TMEM223: variants seen among roughly 807,000 people sequenced by gnomAD.
TMEM223 encodes transmembrane protein 223.
Under a neutral mutation model 14.1 loss-of-function variants are expected in TMEM223, and 14 were observed. The observed-to-expected ratio is 0.99, with a 90% confidence interval of 0.66 to 1.55. TMEM223 has a LOEUF of 1.55. TMEM223 is among the 40% of genes most tolerant of loss of function. The pLI is 0.00. For synonymous variants in TMEM223, 145 were observed against 120.5 expected (o/e 1.20, Z -1.33); for missense variants, 346 against 269.9 (o/e 1.28, Z -1.97).
downstream of TMEM223, chr11:62,787,436 CG>C: frequency 6.4e-7 from 1 of 1,565,862 alleles, no homozygotes; most frequent in Non-Finnish European, 8.6e-7. Flanking sequence ...GGCGCCATGG[CG>C]CTGTCCTGGC....
Position 62,791,871 on chromosome 11 carries a change from C to T in TMEM223, c.124G>A (p.Gly42Ser), listed in dbSNP as rs1379477362. The T allele has an allele frequency of 4.4e-6, 7 of 1,593,588 alleles. No individual in the cohort carries two copies. The highest frequency in any genetic ancestry group is 6.0e-6 in the Non-Finnish European group (7 of 1,170,836). ...RDVLLFEHDR[G>S]RFFTILGLFC... ...AGCCCGAGGATGGTGAAGAAGCGGCCCCGATCATGCTCAAAGAGCAGCACA... is the reference window on the plus strand; with the variant it reads ...AGCCCGAGGATGGTGAAGAAGCGGCTCCGATCATGCTCAAAGAGCAGCACA... The change falls in exon 1 of 2, where the codon GGC becomes AGC. Residue 42 changes from glycine to serine, a missense_variant. Gly to Ser is a moderately conservative substitution (Grantham distance 56). Transcript: ENST00000307366.
chr11:62,771,524 C>G (rs936786021), downstream of TMEM223: 1 of 159,154 alleles, frequency 6.3e-6, no homozygotes, highest in East Asian at 1.9e-4. Flanking sequence ...AAGGACTCCC[C>G]ATTCCCGACG....
chr11:62,786,562 C>G (rs2084278327), downstream of TMEM223: 1 of 1,561,826 alleles, frequency 6.4e-7, no homozygotes, highest in Non-Finnish European at 8.7e-7. Flanking sequence ...GGCAGCAGAG[C>G]CCAACAGGGG....
At chr11:62,789,236 G>A (rs1370467276), downstream of TMEM223, 1 of 1,613,724 alleles carries the variant, frequency 6.2e-7, no homozygotes, top group African/African-American at 1.3e-5. Flanking sequence ...TGAGGGCCAG[G>A]GGCTGAGGTA....
chr11:62,783,681 C>T (rs1244400542), downstream of TMEM223, among the ~76,000 whole-genome samples: 2 of 151,550 alleles, frequency 1.3e-5, no homozygotes, highest in African/African-American at 2.4e-5. Flanking sequence ...ATTACAGGCA[C>T]GTGCCACCAT....
At chr11:62,784,040 G>A (rs1387138838), downstream of TMEM223, among the ~76,000 whole-genome samples, 1 of 424 alleles carries the variant, frequency 2.4e-3, no homozygotes, top group African/African-American at 8.8e-3. Context: ...CCGGGCTGGA[G>A]TGCAGTGGCG....
intron 1 of TMEM223, among the ~76,000 whole-genome samples, chr11:62,776,988 A>G (rs866673039): frequency 6.6e-6 from 1 of 152,058 alleles, no homozygotes. Flanking sequence ...TTCTACTAAA[A>G]ATACAAAAAT....
chr11:62,783,438 C>T (rs1051130828), downstream of TMEM223, among the ~76,000 whole-genome samples: 3 of 150,690 alleles, frequency 2.0e-5, no homozygotes, highest in African/African-American at 7.3e-5. Flanking sequence ...GCCGAGATTG[C>T]GCCACTACAC....
chr11:62,786,672 TG>T (rs1235568201), downstream of TMEM223: 6 of 1,611,758 alleles, frequency 3.7e-6, no homozygotes, highest in Admixed American at 1.0e-4. Context: ...AACCCAGCTT[TG>T]GGTCCGGCCT....
chr11:62,787,245 C>T (rs906913704), downstream of TMEM223: 5 of 1,568,472 alleles, frequency 3.2e-6, no homozygotes, highest in Non-Finnish European at 3.4e-6. Context: ...GTACCAGCCG[C>T]CCCGCCCGCC....
At chr11:62,783,179 C>T (rs1185088539), downstream of TMEM223, among the ~76,000 whole-genome samples, 3 of 152,114 alleles carry the variant, frequency 2.0e-5, no homozygotes, top group Non-Finnish European at 4.4e-5. Flanking sequence ...AATGATTATA[C>T]GCTTTAAAAA....
At chr11:62,778,449 C>T in intron 1 of TMEM223, 2 of 1,312,082 alleles carry the variant, frequency 1.5e-6, no homozygotes, top group Non-Finnish European at 2.2e-6. Context: ...CCATGCCTGC[C>T]TTGTGCCATG....
exon 2 of TMEM223, chr11:62,774,617 G>A: frequency 2.2e-6 from 1 of 455,136 alleles, no homozygotes; most frequent in Non-Finnish European, 4.4e-6. Context: ...TGCGTTGTTG[G>A]AGTGAGTCAT....
intron 1 of TMEM223, chr11:62,775,885 G>T (rs149856351): frequency 1.9e-6 from 3 of 1,613,930 alleles, no homozygotes; most frequent in Admixed American, 1.7e-5. Flanking sequence ...AGGTGGCGGC[G>T]CTGCTCGCAG....
Position 62,791,781 on chromosome 11 carries a change from C to G in TMEM223, c.214G>C (p.Val72Leu). 1 of 1,568,270 alleles carries G rather than the reference C, an allele frequency of 6.4e-7. No individual in the cohort carries two copies. The highest frequency in any genetic ancestry group is 1.4e-5 in the African/African-American group (1 of 73,936). The change falls in exon 1 of 2, where the codon GTT becomes CTT. Residue 72 changes from valine (V) to leucine (L), a missense_variant. Transcript: ENST00000307366. ...TCCGCATCCAGAGGCTGCACCGGAA[C>G]CGGGGGCCGGGACACGGCTGCCACA... ...MAVAAVSRPP[V>L]PVQPLDAEVP...
chr11:62,773,561 C>A (rs1281542611), intron 2 of TMEM223, among the ~76,000 whole-genome samples: 1 of 152,044 alleles, frequency 6.6e-6, no homozygotes, highest in African/African-American at 2.4e-5. Flanking sequence ...GATTCTCCTG[C>A]CTCAGCCTTG....
At position 62,790,583 on chromosome 11, in the gene TMEM223, A is replaced by C; in HGVS notation, c.*40T>G. 1 of 1,555,430 alleles carries C rather than the reference A, an allele frequency of 6.4e-7. No homozygotes were observed. Among genetic ancestry groups the C allele is most frequent in the Non-Finnish European group, 8.7e-7 (1 of 1,144,626 alleles). On this transcript the variant is annotated 3_prime_UTR_variant, in exon 2 of 2. Transcript: ENST00000307366. ...CCTGGCTCCCCAAGGTTCAGTTTTT[A>C]TCCTCCTCTTGGAGAGGTGAGTGAC... is the stretch of plus-strand genomic sequence containing the variant.
intron 1 of TMEM223, among the ~76,000 whole-genome samples, chr11:62,777,355 C>G (rs895010629): frequency 6.6e-6 from 1 of 152,004 alleles, no homozygotes; most frequent in African/African-American, 2.4e-5. Flanking sequence ...AAAGACTAAA[C>G]GCACACATAA....
At chr11:62,789,211 G>A, downstream of TMEM223, 1 of 1,614,104 alleles carries the variant, frequency 6.2e-7, no homozygotes, top group Non-Finnish European at 8.5e-7. Flanking sequence ...ACTCCCACAG[G>A]TGACTGCCTA....
Sources: gnomAD v4.1 joint callset for allele counts (sites outside exome capture counted in the v4.1 genomes callset) on GRCh38, gnomAD v4.1.1 for gene constraint, MANE v1.5 for transcripts, NCBI Gene and HGNC (gene_info 2026-07-23, HGNC 2026-07-21) for gene names.